ITPR2: variants seen among roughly 807,000 people sequenced by gnomAD.
The protein encoded by ITPR2 is inositol 1,4,5-trisphosphate-gated calcium channel ITPR2.
A neutral mutation model predicts 317.1 loss-of-function variants in ITPR2; 207 were observed. The observed-to-expected ratio is 0.65, with a 90% confidence interval of 0.58 to 0.73. The LOEUF (loss-of-function observed/expected upper bound fraction) is 0.73. Among genes scored for constraint, ITPR2 ranks in the 30% least tolerant of loss-of-function variants. ITPR2 has a pLI of 0.00. For missense variants in ITPR2, 2,613 were observed against 3,284.0 expected (o/e 0.80, Z 4.99); for synonymous variants, 1,156 against 1,149.1 (o/e 1.01, Z -0.12).
At chr12:26,391,558 T>TTC (rs1565501244) in intron 54 of ITPR2, among the ~76,000 whole-genome samples, 13 of 60,462 alleles carry the variant, frequency 2.2e-4, no homozygotes, top group African/African-American at 7.5e-4. Context: ...TTCTTTTCCT[T>TTC]TTTTTTTTTT....
At chr12:26,389,614 T>C (rs888188225) in intron 54 of ITPR2, among the ~76,000 whole-genome samples, 6 of 152,200 alleles carry the variant, frequency 3.9e-5, no homozygotes, top group African/African-American at 1.4e-4. Context: ...AAATTTTTGC[T>C]GAAATCTCAC....
intron 45 of ITPR2, among the ~76,000 whole-genome samples, chr12:26,457,636 G>A (rs185180861): frequency 6.6e-6 from 1 of 152,316 alleles, no homozygotes; most frequent in East Asian, 1.9e-4. Context: ...TGGTATTGAA[G>A]GATGTGGGCA....
chr12:26,627,945 A>C, intron 23 of ITPR2, 88 bp downstream of exon 23: 1 of 1,239,004 alleles, frequency 8.1e-7, no homozygotes, highest in Non-Finnish European at 1.1e-6. Context: ...AAGCACAAAA[A>C]ATATAATTAT....
At chr12:26,654,624 T>C (rs1189149620) in intron 20 of ITPR2, among the ~76,000 whole-genome samples, 1 of 152,122 alleles carries the variant, frequency 6.6e-6, no homozygotes, top group Non-Finnish European at 1.5e-5. Flanking sequence ...TTGGTCCAAG[T>C]AACCAACAGA....
chr12:26,785,195 G>A (rs1309396915), intron 2 of ITPR2, among the ~76,000 whole-genome samples: 3 of 29,802 alleles, frequency 1.0e-4, no homozygotes, highest in African/African-American at 2.4e-4. Context: ...CCCCCCGCCC[G>A]GCCAGCCGCC....
chr12:26,605,126 A>AAAAATATATATATATATATATAT (rs1555165395), intron 26 of ITPR2, among the ~76,000 whole-genome samples: 1 of 136,310 alleles, frequency 7.3e-6, no homozygotes, highest in African/African-American at 2.6e-5. Flanking sequence ...AAAAAATAAA[A>AAAAATATATATATATATATATAT]ATATATATAT....
At chr12:26,478,119 C>A (rs1942457873) in intron 43 of ITPR2, among the ~76,000 whole-genome samples, 1 of 152,070 alleles carries the variant, frequency 6.6e-6, no homozygotes, top group African/African-American at 2.4e-5. Context: ...CAAATTAATT[C>A]TCCTGGGTAG....
intron 9 of ITPR2, among the ~76,000 whole-genome samples, chr12:26,705,517 A>G (rs1385947764): frequency 6.6e-6 from 1 of 152,072 alleles, no homozygotes; most frequent in Admixed American, 6.6e-5. Context: ...CTACTCCCTA[A>G]TGATCTTACC....
rs368114012 is a variant in ITPR2 at position 26,672,165 on chromosome 12, C to T, written c.1410-6114G>A. ...ATGACACAGAAAGTTAACAAGGATACCCAGGAATTGAACTCAGCTCTGCAC... is the reference window on the plus strand; with the variant it reads ...ATGACACAGAAAGTTAACAAGGATATCCAGGAATTGAACTCAGCTCTGCAC... On this transcript the variant is annotated intron_variant, in intron 13 of 56. Transcript: ENST00000381340. Among the ~76,000 whole-genome samples, 114 of 151,962 alleles carry T rather than the reference C, an allele frequency of 7.5e-4. No individual in the cohort carries two copies. The South Asian group carries it at 0.022, about 30-fold the overall frequency.
intron 46 of ITPR2, among the ~76,000 whole-genome samples, chr12:26,439,882 A>G (rs1476768471): frequency 2.0e-5 from 3 of 152,016 alleles, no homozygotes; most frequent in African/African-American, 7.3e-5. Context: ...ACATTTAAAT[A>G]CTCATCATTT....
chr12:26,765,529 T>C (rs1949705036), intron 2 of ITPR2, among the ~76,000 whole-genome samples: 3 of 152,140 alleles, frequency 2.0e-5, no homozygotes, highest in African/African-American at 2.4e-5. Context: ...TTTCTGCTGA[T>C]TGGATGGATG....
In ITPR2 at chr12:26,481,178, T is replaced by C. The variant is rs1942538319; in HGVS notation, c.6076A>G (p.Ile2026Val). The change falls in exon 43 of 57, where the codon ATA (isoleucine) becomes GTA (valine). Residue 2026 changes from isoleucine to valine, a missense_variant. Around this residue, in one of 9 missense-constraint regions of ITPR2, gnomAD observed 926 missense variants for 1,072.8 expected, o/e 0.86. Coordinates refer to ENST00000381340, the MANE Select transcript of ITPR2 (RefSeq NM_002223.4). ...DIIIALILND[I>V]NPLGKYRMDL... ...ATTCGGTATTTACCAAGAGGGTTTA[T>C]GTCATTCAGAATCAAAGCAATGATG... is the stretch of plus-strand genomic sequence containing the variant. 7 of 1,613,704 alleles carry C rather than the reference T, an allele frequency of 4.3e-6. No individual in the cohort carries two copies. The highest frequency in any genetic ancestry group is 5.9e-6 in the Non-Finnish European group (7 of 1,179,730).
At chr12:26,671,951 G>C (rs1014643784) in intron 13 of ITPR2, among the ~76,000 whole-genome samples, 3 of 152,076 alleles carry the variant, frequency 2.0e-5, no homozygotes, top group Non-Finnish European at 4.4e-5. Flanking sequence ...AACAGACAAA[G>C]AAGGCCATTA....
At chr12:26,667,207 G>T (rs964125123) in intron 13 of ITPR2, among the ~76,000 whole-genome samples, 1 of 152,150 alleles carries the variant, frequency 6.6e-6, no homozygotes, top group Non-Finnish European at 1.5e-5. Flanking sequence ...TATTCAGTTG[G>T]AAAACATCTC....
At chr12:26,341,008 T>G (rs1312053351) in intron 55 of ITPR2, among the ~76,000 whole-genome samples, 2 of 152,054 alleles carry the variant, frequency 1.3e-5, no homozygotes, top group African/African-American at 2.4e-5. Flanking sequence ...GTGTGTGTGT[T>G]TTTCCTCCAA....
intron 50 of ITPR2, among the ~76,000 whole-genome samples, chr12:26,417,224 T>C (rs1349288570): frequency 6.6e-6 from 1 of 152,164 alleles, no homozygotes; most frequent in East Asian, 1.9e-4. Flanking sequence ...ATGGACTATA[T>C]CCTTTTCAGA....
intron 44 of ITPR2, among the ~76,000 whole-genome samples, chr12:26,475,732 G>C (rs947823869): frequency 6.6e-6 from 1 of 152,138 alleles, no homozygotes; most frequent in African/African-American, 2.4e-5. Flanking sequence ...AGGCAGACAT[G>C]GTGCTAGAAA....
intron 21 of ITPR2, among the ~76,000 whole-genome samples, chr12:26,634,746 G>A (rs757617447): frequency 1.3e-4 from 19 of 151,870 alleles, no homozygotes; most frequent in East Asian, 3.9e-4. Flanking sequence ...CTAGCCGGGC[G>A]TGCTTGTGGG....
intron 2 of ITPR2, among the ~76,000 whole-genome samples, chr12:26,730,314 C>T (rs1474877734): frequency 2.0e-5 from 3 of 152,146 alleles, no homozygotes; most frequent in Non-Finnish European, 4.4e-5. Flanking sequence ...TTCAGAGCAA[C>T]CCGGTCTCAC....
Sources: gnomAD v4.1 joint callset for allele counts (sites outside exome capture counted in the v4.1 genomes callset) on GRCh38, gnomAD v4.1.1 for gene constraint, gnomAD v4.1.1 regional missense constraint, MANE v1.5 for transcripts, NCBI Gene and HGNC (gene_info 2026-07-23, HGNC 2026-07-21) for gene names.